Variants in DCC observed in about 807,000 individuals in gnomAD.
DCC encodes the protein netrin receptor DCC.
In DCC, 58 loss-of-function variants were observed where a neutral mutation model predicts 172.5. The ratio of observed to expected loss-of-function variants is 0.34; its 90% CI spans 0.27 to 0.42. The LOEUF is 0.42. Ranked by LOEUF, DCC falls within the 10% of genes least tolerant of loss-of-function variation. The pLI, the probability that DCC is intolerant of heterozygous loss-of-function variation, is 1.00. For missense variants in DCC, 1,740 were observed against 1,791.0 expected, an observed-to-expected ratio of 0.97 and a Z score of 0.51; for synonymous variants, 709 against 644.5, an observed-to-expected ratio of 1.10 and a Z score of -1.52.
intron 7 of DCC, among the ~76,000 whole-genome samples, chr18:53,138,358 G>A (rs911616957): frequency 6.6e-6 from 1 of 152,052 alleles, no homozygotes; most frequent in Non-Finnish European, 1.5e-5. Flanking sequence ...TAAAAAACCT[G>A]AGTATTTTAA....
chr18:52,932,041 G>A (rs112133951), intron 5 of DCC: 2,499 of 152,204 alleles, frequency 0.016, 63 homozygotes, highest in African/African-American at 0.054. Flanking sequence ...AACAAAGCCC[G>A]AAGAGGCAGG....
At position 53,439,303 on chromosome 18, in the gene DCC, T is replaced by C. The variant is rs147694350; in HGVS notation, c.3229+4094T>C. 7.3e-3 allele frequency among the ~76,000 whole-genome samples: 1,109 copies of C among 152,340 alleles called. 11 individuals carry two copies. Among genetic ancestry groups the C allele is most frequent in the Non-Finnish European group, 9.5e-3 (645 of 68,034 alleles). On this transcript the variant is annotated intron_variant, in intron 22 of 28. Coordinates refer to ENST00000442544, the MANE Select transcript of DCC (RefSeq NM_005215.4). ...TTAAAAGGGGGGTATGTTTTCCAAG[T>C]AGATGTGCAAGTGAGGCCCCTGAGT...
intron 2 of DCC, among the ~76,000 whole-genome samples, chr18:52,874,965 C>T (rs374146899): frequency 6.6e-6 from 1 of 152,008 alleles, no homozygotes; most frequent in African/African-American, 2.4e-5. Context: ...GGACTTTGGG[C>T]TGTGGGGCGG....
At chr18:52,569,314 C>T (rs1242719924) in intron 1 of DCC, among the ~76,000 whole-genome samples, 1 of 152,194 alleles carries the variant, frequency 6.6e-6, no homozygotes, top group Non-Finnish European at 1.5e-5. Context: ...AACTTGCATG[C>T]TCCTCCATTT....
intron 5 of DCC, among the ~76,000 whole-genome samples, chr18:52,971,404 A>G (rs953915749): frequency 1.3e-5 from 2 of 152,240 alleles, no homozygotes; most frequent in African/African-American, 4.8e-5. Flanking sequence ...TAGAATTGGC[A>G]TCAGAGTGGT....
intron 1 of DCC, among the ~76,000 whole-genome samples, chr18:52,651,151 T>A (rs539937002): frequency 3.3e-5 from 5 of 152,326 alleles, no homozygotes; most frequent in South Asian, 2.1e-4. Context: ...TGTGCATTTT[T>A]AAAAATTTGT....
At chr18:52,345,666 C>T (rs923453107) in intron 1 of DCC, among the ~76,000 whole-genome samples, 1 of 152,216 alleles carries the variant, frequency 6.6e-6, no homozygotes. Context: ...AAGCCTTTCT[C>T]ACTCTGAAAC....
chr18:53,421,741 G>T (rs545527731), intron 21 of DCC, among the ~76,000 whole-genome samples: 1 of 152,306 alleles, frequency 6.6e-6, no homozygotes, highest in Non-Finnish European at 1.5e-5. Context: ...CCTGTAAAAT[G>T]ATAAGTTCAG....
chr18:53,168,584 A>T (rs1291124784), intron 8 of DCC, among the ~76,000 whole-genome samples: 1 of 144,532 alleles, frequency 6.9e-6, no homozygotes, highest in Non-Finnish European at 1.5e-5. Context: ...CGGGGGGGCT[A>T]GGGGAGGGAT....
chr18:53,520,340 A>T (rs1480562748), intron 27 of DCC, among the ~76,000 whole-genome samples: 9 of 152,102 alleles, frequency 5.9e-5, no homozygotes, highest in African/African-American at 2.2e-4. Flanking sequence ...TGACGACTAC[A>T]TTGCCTTCTC....
chr18:53,225,609 T>C (rs1157368158), intron 12 of DCC, among the ~76,000 whole-genome samples: 2 of 152,108 alleles, frequency 1.3e-5, no homozygotes, highest in African/African-American at 4.8e-5. Context: ...CATCAGAGTA[T>C]GAAGGCTTGG....
At chr18:53,220,334 C>A (rs1306221513) in intron 12 of DCC, among the ~76,000 whole-genome samples, 2 of 152,036 alleles carry the variant, frequency 1.3e-5, no homozygotes, top group Non-Finnish European at 2.9e-5. Flanking sequence ...GGGTCTGGAC[C>A]CACTTCTCTG....
chr18:52,494,776 A>G (rs551949990), intron 1 of DCC, among the ~76,000 whole-genome samples: 13 of 152,204 alleles, frequency 8.5e-5, no homozygotes, highest in South Asian at 8.3e-4. Flanking sequence ...TTCTAATTAA[A>G]ATACCTGGCT....
chr18:53,263,531 T>A (rs1206255590), intron 12 of DCC, among the ~76,000 whole-genome samples: 1 of 152,170 alleles, frequency 6.6e-6, no homozygotes, highest in African/African-American at 2.4e-5. Context: ...AAATAAAATT[T>A]TATTAAGTTG....
intron 2 of DCC, among the ~76,000 whole-genome samples, chr18:52,761,747 G>C (rs1217706486): frequency 6.6e-6 from 1 of 151,820 alleles, no homozygotes. Context: ...AAAGGTCAAA[G>C]CGCTTCCACT....
intron 1 of DCC, among the ~76,000 whole-genome samples, chr18:52,642,079 T>TACACACAC (rs200347229): frequency 9.9e-6 from 1 of 100,594 alleles, no homozygotes; most frequent in Non-Finnish European, 2.1e-5. Flanking sequence ...TATATATATA[T>TACACACAC]ACACACACAC....
At chr18:53,198,882 G>T (rs2055490792) in intron 9 of DCC, among the ~76,000 whole-genome samples, 1 of 152,112 alleles carries the variant, frequency 6.6e-6, no homozygotes, top group Admixed American at 6.6e-5. Flanking sequence ...GGAGAAATTA[G>T]AAGCAGTTTG....
At chr18:52,850,173 C>A (rs1027769935) in intron 2 of DCC, among the ~76,000 whole-genome samples, 1 of 152,060 alleles carries the variant, frequency 6.6e-6, no homozygotes, top group South Asian at 2.1e-4. Context: ...ACATCATGTG[C>A]CCAAGGGCAG....
At chr18:52,946,234 A>G (rs2040542809) in intron 5 of DCC, among the ~76,000 whole-genome samples, 1 of 152,346 alleles carries the variant, frequency 6.6e-6, no homozygotes, top group Non-Finnish European at 1.5e-5. Context: ...TCCCTACAAG[A>G]CAGTAAACTT....
Sources: allele counts gnomAD v4.1 joint callset (sites outside exome capture counted in the v4.1 genomes callset), GRCh38; gene constraint gnomAD v4.1.1; transcripts MANE v1.5; gene names NCBI Gene and HGNC (gene_info 2026-07-23, HGNC 2026-07-21).